The following TLN2 variants were observed in gnomAD, a reference collection of about 807,000 sequenced individuals.
TLN2 encodes talin 2.
A neutral mutation model predicts 294.7 loss-of-function variants in TLN2; 118 were observed. That is an observed-to-expected ratio of 0.40 (90% CI 0.34 to 0.47). The LOEUF (loss-of-function observed/expected upper bound fraction) is 0.47. TLN2 is among the 20% of genes least tolerant of loss of function. The pLI, the probability that TLN2 is intolerant of heterozygous loss-of-function variation, is 0.84. For synonymous variants in TLN2, 1,431 were observed against 1,304.5 expected (o/e 1.10, Z -2.09); for missense variants, 3,083 against 3,282.2 (o/e 0.94, Z 1.48).
chr15:62,463,158 G>A (rs1457105043), intron 1 of TLN2, among the ~76,000 whole-genome samples: 1 of 152,168 alleles, frequency 6.6e-6, no homozygotes, highest in Non-Finnish European at 1.5e-5. Context: ...GAGGAAAGAA[G>A]ATAAAAGGCT....
At chr15:62,805,578 C>T (rs1296264581) in intron 50 of TLN2, 22 bp from the exon 51 acceptor site, 4 of 1,563,608 alleles carry the variant, frequency 2.6e-6, no homozygotes, top group Non-Finnish European at 3.5e-6. Flanking sequence ...ATTTTTTTAA[C>T]CTCTCTGTTT....
chr15:62,503,826 G>A lies in TLN2; in HGVS notation c.-237-85861G>A, dbSNP rs145239449. Among the ~76,000 whole-genome samples, 153 of 152,272 alleles carry A rather than the reference G, an allele frequency of 1.0e-3. 1 individual carries two copies. Among genetic ancestry groups the A allele is most frequent in the African/African-American group, 3.5e-3 (145 of 41,548 alleles). On this transcript the variant is annotated intron_variant, in intron 1 of 58. Transcript: ENST00000636159. ...AGCCTCACTTAGCTTCTGGGAGCAG[G>A]TCCTGGAGCTGGGCTCACACCCCTT...
intron 1 of TLN2, among the ~76,000 whole-genome samples, chr15:62,427,356 T>C (rs1225888607): frequency 6.6e-6 from 1 of 152,180 alleles, no homozygotes; most frequent in Non-Finnish European, 1.5e-5. Context: ...GGTTACTTAC[T>C]TTTATTCTCC....
intron 2 of TLN2, among the ~76,000 whole-genome samples, chr15:62,617,930 A>C (rs536650250): frequency 3.8e-4 from 58 of 151,674 alleles, no homozygotes; most frequent in African/African-American, 1.3e-3. Context: ...AAGGAAGCTG[A>C]GTTATCCAAG....
At chr15:62,649,165 AT>A (rs1253431040) in intron 4 of TLN2, among the ~76,000 whole-genome samples, 6 of 152,138 alleles carry the variant, frequency 3.9e-5, no homozygotes, top group African/African-American at 7.2e-5. Flanking sequence ...TATTTATGCT[AT>A]TAGTAGTGTT....
intron 3 of TLN2, among the ~76,000 whole-genome samples, chr15:62,628,758 G>A (rs546974609): frequency 6.6e-6 from 1 of 152,332 alleles, no homozygotes; most frequent in African/African-American, 2.4e-5. Flanking sequence ...GTCACAAAAT[G>A]ATACTGCCCT....
rs563209703 is a variant in TLN2, at chr15:62,655,155, T to C, written c.518-789T>C. 3.3e-5 allele frequency among the ~76,000 whole-genome samples: 5 copies of C among 152,308 alleles called. No homozygotes were observed. The South Asian group carries it at 6.2e-4, about 19-fold the overall frequency. ...GTAGAAAAATCCCAAGGATTTATTATTATGTGCAAAATACTCTCCCAGGTA... is the reference window on the plus strand; with the variant it reads ...GTAGAAAAATCCCAAGGATTTATTACTATGTGCAAAATACTCTCCCAGGTA... On this transcript the variant is annotated intron_variant, in intron 7 of 58. Transcript: ENST00000636159.
chr15:62,475,434 C>G (rs1051895023), intron 1 of TLN2, among the ~76,000 whole-genome samples: 1 of 152,028 alleles, frequency 6.6e-6, no homozygotes, highest in Admixed American at 6.6e-5. Flanking sequence ...CAGGGCTAAC[C>G]GAAGCTAGAA....
At chr15:62,749,398 T>C (rs2061795117) in intron 33 of TLN2, among the ~76,000 whole-genome samples, 1 of 152,268 alleles carries the variant, frequency 6.6e-6, no homozygotes, top group South Asian at 2.1e-4. Context: ...AGGTTGTTGA[T>C]CTAAATGAGC....
At chr15:62,653,134 T>C (rs1325699312) in intron 6 of TLN2, 28 bp from the exon 7 acceptor site, 6 of 1,503,778 alleles carry the variant, frequency 4.0e-6, no homozygotes, top group Non-Finnish European at 5.4e-6. Context: ...TAATTATTTA[T>C]AATTATAACC....
chr15:62,651,379 A>G (rs960224757), intron 5 of TLN2, among the ~76,000 whole-genome samples: 1 of 151,780 alleles, frequency 6.6e-6, no homozygotes, highest in African/African-American at 2.4e-5. Flanking sequence ...AGGTGACTCT[A>G]GGTGACAGAT....
chr15:62,548,533 G>A (rs572619240), intron 1 of TLN2, among the ~76,000 whole-genome samples: 1 of 152,294 alleles, frequency 6.6e-6, no homozygotes, highest in South Asian at 2.1e-4. Context: ...CTCACCAGAA[G>A]GCAGCTAGTA....
intron 3 of TLN2, among the ~76,000 whole-genome samples, chr15:62,622,896 C>G (rs2048955659): frequency 6.6e-6 from 1 of 152,184 alleles, no homozygotes; most frequent in Admixed American, 6.5e-5. Flanking sequence ...AAGCTGTCGA[C>G]ATAACATCCA....
At chr15:62,813,149 G>C (rs1250681844) in intron 52 of TLN2, among the ~76,000 whole-genome samples, 1 of 152,190 alleles carries the variant, frequency 6.6e-6, no homozygotes, top group Non-Finnish European at 1.5e-5. Context: ...GGCCAGACGT[G>C]CTTCTCTGGT....
intron 1 of TLN2, among the ~76,000 whole-genome samples, chr15:62,583,510 T>TG (rs968894705): frequency 2.0e-5 from 3 of 152,108 alleles, no homozygotes; most frequent in African/African-American, 4.8e-5. Context: ...TTTTGTTTTT[T>TG]TTTGGATTAC....
chr15:62,781,250 G>A lies in TLN2; in HGVS notation c.5616+9G>A, dbSNP rs781716538. 2 of 1,606,026 alleles carry A rather than the reference G, an allele frequency of 1.2e-6. No individual in the cohort carries two copies. Among genetic ancestry groups the A allele is most frequent in the Non-Finnish European group, 1.7e-6 (2 of 1,172,940 alleles). On this transcript the variant is annotated intron_variant, in intron 44 of 58. Transcript: ENST00000636159. ...TGACAGCTCAGGAAATGGTAAGAGG[G>A]AAGAGAGCTGCCCTCCCCACTGTTG... is the stretch of plus-strand genomic sequence containing the variant.
At chr15:62,573,979 C>T (rs781748221) in intron 1 of TLN2, among the ~76,000 whole-genome samples, 2 of 151,986 alleles carry the variant, frequency 1.3e-5, no homozygotes, top group Admixed American at 6.5e-5. Context: ...GAGTCAAAGG[C>T]GGGGAAAAGA....
intron 5 of TLN2, among the ~76,000 whole-genome samples, 175 bp from the exon 6 acceptor site, chr15:62,651,830 C>T (rs1269084662): frequency 1.3e-5 from 2 of 152,052 alleles, no homozygotes; most frequent in South Asian, 2.1e-4. Flanking sequence ...CTCTAAAAGA[C>T]GTAGTGGCAA....
chr15:62,441,858 C>A (rs147909373), intron 1 of TLN2, among the ~76,000 whole-genome samples: 4 of 152,112 alleles, frequency 2.6e-5, no homozygotes, highest in African/African-American at 9.7e-5. Context: ...TGGATAAACA[C>A]GTGGAGGTTT....
Sources: allele counts gnomAD v4.1 joint callset (sites outside exome capture counted in the v4.1 genomes callset), GRCh38; gene constraint gnomAD v4.1.1; transcripts MANE v1.5; gene names NCBI Gene and HGNC (gene_info 2026-07-23, HGNC 2026-07-21).